TOX: variants seen among roughly 807,000 people sequenced by gnomAD.
TOX encodes the protein thymocyte selection associated high mobility group box.
In TOX, 11 loss-of-function variants were observed where a neutral mutation model predicts 53.7. The ratio of observed to expected loss-of-function variants is 0.20; its 90% confidence interval spans 0.13 to 0.34. The LOEUF is 0.34. Ranked by LOEUF, TOX falls within the 10% of genes least tolerant of loss-of-function variation. The pLI is 1.00. For missense variants in TOX, 570 were observed against 664.6 expected, an observed-to-expected ratio of 0.86 and a Z score of 1.56; for synonymous variants, 225 against 245.3, an observed-to-expected ratio of 0.92 and a Z score of 0.77.
At chr8:58,951,054 T>C (rs1011338116) in intron 2 of TOX, among the ~76,000 whole-genome samples, 4 of 152,202 alleles carry the variant, frequency 2.6e-5, no homozygotes, top group Admixed American at 6.5e-5. Context: ...ACGTAACACA[T>C]TGCCGTTATC....
At chr8:58,949,544 G>A (rs1243041670) in intron 2 of TOX, among the ~76,000 whole-genome samples, 1 of 152,120 alleles carries the variant, frequency 6.6e-6, no homozygotes, top group East Asian at 1.9e-4. Flanking sequence ...ATGAGGTCCA[G>A]AGAGGTTAAA....
At chr8:58,973,208 G>A (rs555122736) in intron 1 of TOX, among the ~76,000 whole-genome samples, 5 of 152,168 alleles carry the variant, frequency 3.3e-5, no homozygotes, top group Admixed American at 2.6e-4. Context: ...TTAGATGCAC[G>A]ACAGGAAATA....
At chr8:58,977,787 A>C (rs1266191588) in intron 1 of TOX, among the ~76,000 whole-genome samples, 1 of 152,242 alleles carries the variant, frequency 6.6e-6, no homozygotes, top group South Asian at 2.1e-4. Context: ...ACATTTATCA[A>C]TTAAGTTCAT....
chr8:58,998,493 G>GTATA lies in TOX; in HGVS notation c.103-38489_103-38486dup, dbSNP rs61434586. On this transcript the variant is annotated intron_variant, in intron 1 of 8. Coordinates refer to ENST00000361421, the MANE Select transcript of TOX (RefSeq NM_014729.3). The stretch of plus-strand genomic sequence containing the variant: ...GATAGAGCCAGACTCCATCTCAAAA[G>GTATA]TATATATATATATATATATATATAT... Among the ~76,000 whole-genome samples, 273 of 63,558 alleles carry GTATA rather than the reference G, an allele frequency of 4.3e-3. 3 individuals carry two copies. Among genetic ancestry groups the GTATA allele is most frequent in the African/African-American group, 9.8e-3 (89 of 9,122 alleles). 41.7% of individuals were successfully genotyped at this position (63,558 alleles called of 152,430 possible).
At chr8:58,979,987 G>A (rs1047444034) in intron 1 of TOX, among the ~76,000 whole-genome samples, 2 of 152,148 alleles carry the variant, frequency 1.3e-5, no homozygotes, top group African/African-American at 2.4e-5. Flanking sequence ...GATCCAGGAA[G>A]GACCTTTTGG....
At chr8:58,963,320 TAG>T (rs1563402374) in intron 1 of TOX, among the ~76,000 whole-genome samples, 38 of 151,784 alleles carry the variant, frequency 2.5e-4, no homozygotes, top group African/African-American at 4.6e-4. Flanking sequence ...TATATATAGA[TAG>T]ATAGATAGAT....
intron 1 of TOX, among the ~76,000 whole-genome samples, chr8:59,057,832 T>C (rs1803911400): frequency 6.6e-6 from 1 of 152,122 alleles, no homozygotes; most frequent in African/African-American, 2.4e-5. Flanking sequence ...TCAAAACTTC[T>C]GGAAGTTGTT....
At chr8:58,810,272 G>C (rs1338405684) in intron 7 of TOX, among the ~76,000 whole-genome samples, 3 of 152,068 alleles carry the variant, frequency 2.0e-5, no homozygotes, top group Non-Finnish European at 4.4e-5. Context: ...CCAAAGTGCT[G>C]GGATTATGGG....
At chr8:58,944,749 T>C (rs572447676) in intron 2 of TOX, among the ~76,000 whole-genome samples, 35 of 152,348 alleles carry the variant, frequency 2.3e-4, no homozygotes, top group African/African-American at 7.0e-4. Flanking sequence ...TGGCTTTATA[T>C]AGCTACGGTT....
chr8:58,815,776 T>C, intron 6 of TOX, 52 bp from the exon 7 acceptor site: 1 of 1,544,940 alleles, frequency 6.5e-7, no homozygotes, highest in Non-Finnish European at 8.7e-7. Flanking sequence ...TGAGTGTTGA[T>C]TCAAGGTATG....
intron 2 of TOX, among the ~76,000 whole-genome samples, chr8:58,945,756 C>T (rs551403020): frequency 1.4e-4 from 21 of 152,234 alleles, no homozygotes; most frequent in East Asian, 9.6e-4. Context: ...TGTTTTCATA[C>T]GGCCCAGAGA....
At chr8:59,078,860 C>T (rs1299996187) in intron 1 of TOX, among the ~76,000 whole-genome samples, 4 of 152,226 alleles carry the variant, frequency 2.6e-5, no homozygotes, top group East Asian at 1.9e-4. Context: ...AAAATGCTGA[C>T]GGAGATAGAG....
chr8:58,956,313 C>G (rs115774427), intron 2 of TOX, among the ~76,000 whole-genome samples: 1 of 152,100 alleles, frequency 6.6e-6, no homozygotes, highest in African/African-American at 2.4e-5. Flanking sequence ...CCATAGCATG[C>G]GTATCTGAGT....
chr8:59,089,151 A>T lies in TOX; in HGVS notation c.102+29735T>A, dbSNP rs1383085724. 6.6e-5 allele frequency among the ~76,000 whole-genome samples: 10 copies of T among 152,356 alleles called. No homozygotes were observed. The East Asian group carries it at 1.5e-3, about 23-fold the overall frequency. On this transcript the variant is annotated intron_variant, in intron 1 of 8. Transcript: ENST00000361421. ...AGAGCTTCATGCTGATAATAGACCTAGCATATTTGTTTCGGGCATAGCACA... is the reference window on the plus strand; with the variant it reads ...AGAGCTTCATGCTGATAATAGACCTTGCATATTTGTTTCGGGCATAGCACA...
intron 1 of TOX, among the ~76,000 whole-genome samples, chr8:58,979,797 T>A (rs1331287210): frequency 6.6e-6 from 1 of 152,204 alleles, no homozygotes; most frequent in Non-Finnish European, 1.5e-5. Context: ...CCTCTTACTA[T>A]GTATGTGACC....
At chr8:59,094,777 G>A (rs1255365739) in intron 1 of TOX, among the ~76,000 whole-genome samples, 1 of 152,128 alleles carries the variant, frequency 6.6e-6, no homozygotes, top group African/African-American at 2.4e-5. Context: ...AATGAGTAGT[G>A]TTCCTTAAAG....
intron 1 of TOX, among the ~76,000 whole-genome samples, chr8:58,998,531 A>G (rs1306937159): frequency 0.019 from 440 of 22,784 alleles, 16 homozygotes; most frequent in African/African-American, 0.067. Context: ...ATATATATAT[A>G]TATATATAAA....
intron 2 of TOX, among the ~76,000 whole-genome samples, chr8:58,953,348 G>A (rs543168488): frequency 6.6e-6 from 1 of 152,240 alleles, no homozygotes; most frequent in East Asian, 1.9e-4. Flanking sequence ...ATATAATGCT[G>A]AAAAACAGAC....
chr8:59,076,893 A>G (rs1804302374), intron 1 of TOX, among the ~76,000 whole-genome samples: 1 of 152,230 alleles, frequency 6.6e-6, no homozygotes, highest in Non-Finnish European at 1.5e-5. Context: ...ATCAACTACC[A>G]AGACATAATC....
Sources: gnomAD v4.1 joint callset for allele counts (sites outside exome capture counted in the v4.1 genomes callset) on GRCh38, gnomAD v4.1.1 for gene constraint, MANE v1.5 for transcripts, NCBI Gene and HGNC (gene_info 2026-07-23, HGNC 2026-07-21) for gene names.